CAMK2A: variants seen among roughly 807,000 people sequenced by gnomAD.
The protein encoded by CAMK2A is calcium/calmodulin dependent protein kinase II alpha.
In CAMK2A, 7 loss-of-function variants were observed where a neutral mutation model predicts 79.2. The ratio of observed to expected loss-of-function variants is 0.09; its 90% confidence interval spans 0.05 to 0.17. The LOEUF (loss-of-function observed/expected upper bound fraction) is 0.17. Among genes scored for constraint, CAMK2A ranks in the 10% least tolerant of loss-of-function variants. CAMK2A has a pLI of 1.00. For synonymous variants in CAMK2A, 242 were observed against 251.7 expected (o/e 0.96, Z 0.36); for missense variants, 214 against 646.4 (o/e 0.33, Z 7.25).
rs192719609 is a variant in CAMK2A, at chr5:150,235,952, G to A, written c.1066+2748C>T. On this transcript the variant is annotated intron_variant, in intron 15 of 18. Coordinates refer to ENST00000671881, the MANE Select transcript of CAMK2A (RefSeq NM_015981.4). Reference sequence around the variant, plus strand: ...TGGCTGACCGTTTCTTCCATCAGACGTGGCTTTTGGGGTTTTTTACATGTG... The same window carrying A: ...TGGCTGACCGTTTCTTCCATCAGACATGGCTTTTGGGGTTTTTTACATGTG... Among the ~76,000 whole-genome samples, 345 of 152,214 alleles carry A rather than the reference G, an allele frequency of 2.3e-3. 2 individuals are homozygous for A. Among genetic ancestry groups the A allele is most frequent in the African/African-American group, 8.1e-3 (337 of 41,540 alleles).
chr5:150,238,491 T>C (rs1445151332), intron 15 of CAMK2A: 2 of 631,384 alleles, frequency 3.2e-6, no homozygotes, highest in Non-Finnish European at 5.8e-6. Context: ...AGAAAACCTA[T>C]CTACACACCA....
chr5:150,224,681 A>T (rs1580892947), intron 17 of CAMK2A, among the ~76,000 whole-genome samples: 1 of 152,206 alleles, frequency 6.6e-6, no homozygotes, highest in Admixed American at 6.5e-5. Flanking sequence ...CTCAGAGGTC[A>T]GAGGTCACCC....
intron 15 of CAMK2A, among the ~76,000 whole-genome samples, chr5:150,237,497 G>T (rs1234439922): frequency 1.3e-5 from 2 of 152,082 alleles, no homozygotes; most frequent in African/African-American, 2.4e-5. Flanking sequence ...GGTGTCCCCA[G>T]GGCAGAAGTC....
chr5:150,263,471 C>G (rs1580935893), intron 3 of CAMK2A, among the ~76,000 whole-genome samples: 1 of 151,044 alleles, frequency 6.6e-6, no homozygotes, highest in Non-Finnish European at 1.5e-5. Flanking sequence ...TTCACACACT[C>G]CACACACTCT....
Position 150,239,214 on chromosome 5 carries a change from G to C in CAMK2A, c.1018-466C>G, listed in dbSNP as rs543827604. Among the ~76,000 whole-genome samples the C allele has an allele frequency of 1.2e-3, 189 of 152,214 alleles. 1 individual carries two copies. The highest frequency in any genetic ancestry group is 4.1e-3 in the African/African-American group (169 of 41,534). On this transcript the variant is annotated intron_variant, in intron 14 of 18. Transcript: ENST00000671881. ...CGATGGAACCAGAAGAGGGAGGTGG[G>C]CCACCATGCCACCACTGGACCCTAG...
chr5:150,242,576 G>A (rs1434826956), intron 13 of CAMK2A, among the ~76,000 whole-genome samples: 2 of 152,222 alleles, frequency 1.3e-5, no homozygotes, highest in African/African-American at 4.8e-5. Context: ...AGCCTGTGAT[G>A]TGGCTCCACC....
chr5:150,249,551 T>C (rs797001972), intron 11 of CAMK2A, among the ~76,000 whole-genome samples: 31 of 105,616 alleles, frequency 2.9e-4, no homozygotes, highest in African/African-American at 1.6e-3. Flanking sequence ...ATTCTTTTTT[T>C]TGTTTTTTTT....
intron 12 of CAMK2A, 37 bp from the exon 13 acceptor site, chr5:150,245,238 G>A: frequency 6.2e-7 from 1 of 1,607,804 alleles, no homozygotes; most frequent in Non-Finnish European, 8.5e-7. Context: ...AACAACGCCA[G>A]GCAGGGCACC....
At chr5:150,247,381 G>T (rs1405423246) in intron 12 of CAMK2A, among the ~76,000 whole-genome samples, 1 of 152,240 alleles carries the variant, frequency 6.6e-6, no homozygotes, top group Non-Finnish European at 1.5e-5. Flanking sequence ...CTGAGTGGAA[G>T]CACGGGACTG....
intron 3 of CAMK2A, among the ~76,000 whole-genome samples, chr5:150,261,410 A>T (rs1756300007): frequency 6.6e-6 from 1 of 152,174 alleles, no homozygotes; most frequent in Non-Finnish European, 1.5e-5. Context: ...CCCAAGATTC[A>T]AGGGCCATAG....
At chr5:150,247,461 A>G (rs1294658887) in intron 12 of CAMK2A, among the ~76,000 whole-genome samples, 10 of 152,084 alleles carry the variant, frequency 6.6e-5, no homozygotes, top group Admixed American at 5.9e-4. Context: ...CCCATCTAGA[A>G]CTCAATCCCC....
intron 3 of CAMK2A, among the ~76,000 whole-genome samples, chr5:150,262,529 C>T (rs1376959079): frequency 6.6e-6 from 1 of 152,142 alleles, no homozygotes; most frequent in African/African-American, 2.4e-5. Context: ...CACCCCCACT[C>T]CCATTCCCCA....
At chr5:150,244,392 C>T (rs1303385643) in intron 13 of CAMK2A, among the ~76,000 whole-genome samples, 1 of 152,268 alleles carries the variant, frequency 6.6e-6, no homozygotes, top group Non-Finnish European at 1.5e-5. Flanking sequence ...CTGGGCACAT[C>T]CCAGCCCTGG....
chr5:150,287,494 T>G (rs758191299), intron 1 of CAMK2A, among the ~76,000 whole-genome samples: 5 of 152,204 alleles, frequency 3.3e-5, no homozygotes, highest in Admixed American at 6.5e-5. Flanking sequence ...GCCCCTGAAA[T>G]TCTCTGTGAA....
chr5:150,236,930 G>A (rs1196936919), intron 15 of CAMK2A, among the ~76,000 whole-genome samples: 1 of 152,168 alleles, frequency 6.6e-6, no homozygotes, highest in Non-Finnish European at 1.5e-5. Flanking sequence ...CCAGGCTGGA[G>A]TGTAGTGGCT....
chr5:150,267,210 C>A (rs1283031687), intron 2 of CAMK2A, among the ~76,000 whole-genome samples: 1 of 152,220 alleles, frequency 6.6e-6, no homozygotes, highest in Admixed American at 6.5e-5. Flanking sequence ...CCATCCAGAG[C>A]TGACCAGGCG....
At chr5:150,262,508 C>T (rs181538312) in intron 3 of CAMK2A, among the ~76,000 whole-genome samples, 2 of 152,246 alleles carry the variant, frequency 1.3e-5, no homozygotes, top group Admixed American at 6.5e-5. Flanking sequence ...GTCCCGCCTG[C>T]GCATCGCCAC....
intron 15 of CAMK2A, among the ~76,000 whole-genome samples, chr5:150,236,834 C>T (rs1006681011): frequency 6.6e-6 from 1 of 152,092 alleles, no homozygotes; most frequent in Admixed American, 6.5e-5. Flanking sequence ...CTGACTTGAC[C>T]CTACCAGGGA....
intron 1 of CAMK2A, among the ~76,000 whole-genome samples, chr5:150,278,891 G>A (rs537341876): frequency 2.3e-4 from 35 of 152,272 alleles, no homozygotes; most frequent in Non-Finnish European, 4.3e-4. Context: ...GTGCATCCAC[G>A]TGAGCCAGAG....
Sources: gnomAD v4.1 joint callset for allele counts (sites outside exome capture counted in the v4.1 genomes callset) on GRCh38, gnomAD v4.1.1 for gene constraint, MANE v1.5 for transcripts, NCBI Gene and HGNC (gene_info 2026-07-23, HGNC 2026-07-21) for gene names.